The following FRMPD4 variants were observed in gnomAD, a reference collection of about 807,000 sequenced individuals.
FRMPD4 encodes the protein FERM and PDZ domain-containing protein 4.
FRMPD4 carries 22 observed loss-of-function variants against 94.1 expected under a neutral mutation model. The ratio of observed to expected loss-of-function variants is 0.23; its 90% CI spans 0.17 to 0.33. The LOEUF is 0.33. FRMPD4 is among the 10% of genes least tolerant of loss of function. The pLI is 1.00. For synonymous variants in FRMPD4, 631 were observed against 548.6 expected (o/e 1.15, Z -2.10); for missense variants, 1,111 against 1,339.9 (o/e 0.83, Z 2.67).
At chrX:11,974,587 G>A (rs1335174838) in intron 3 of FRMPD4, among the ~76,000 whole-genome samples, 4 of 112,373 alleles carry the variant, frequency 3.6e-5, no homozygotes, top group Non-Finnish European at 7.5e-5. Context: ...GAAACCAGAT[G>A]ATTCCCAGAA....
At chrX:11,901,415 G>A (rs1432590790) in intron 3 of FRMPD4, among the ~76,000 whole-genome samples, 1 of 112,282 alleles carries the variant, frequency 8.9e-6, no homozygotes, top group Non-Finnish European at 1.9e-5. Flanking sequence ...CCAAGTTGCT[G>A]CAAAAGACAT....
chrX:12,091,175 G>T (rs1483639413), intron 3 of FRMPD4, among the ~76,000 whole-genome samples: 1 of 111,580 alleles, frequency 9.0e-6, no homozygotes, highest in Non-Finnish European at 1.9e-5. Context: ...CAGCCTTACT[G>T]GCAGATCGAG....
At chrX:12,461,353 G>C (rs933435625) in intron 1 of FRMPD4, among the ~76,000 whole-genome samples, 1 of 112,085 alleles carries the variant, frequency 8.9e-6, no homozygotes, top group African/African-American at 3.2e-5. Flanking sequence ...AGAACTTTAG[G>C]ATTATTTGTT....
At chrX:12,508,283 T>C (rs2058006513) in intron 2 of FRMPD4, among the ~76,000 whole-genome samples, 1 of 110,736 alleles carries the variant, frequency 9.0e-6, no homozygotes, top group South Asian at 3.9e-4. Flanking sequence ...GTGGTTCTTT[T>C]TTTTTTTTAA....
At chrX:12,516,134 G>T in intron 2 of FRMPD4, among the ~76,000 whole-genome samples, 2 of 111,498 alleles carry the variant, frequency 1.8e-5, no homozygotes, top group Non-Finnish European at 3.8e-5. Context: ...CAAGCTGATG[G>T]GTCTTGACTC....
chrX:12,238,317 T>G (rs1252819849), intron 1 of FRMPD4, among the ~76,000 whole-genome samples: 1 of 110,058 alleles, frequency 9.1e-6, no homozygotes, highest in Non-Finnish European at 1.9e-5. Context: ...AGAGATGGGG[T>G]TTCTCCGTGT....
intron 4 of FRMPD4, among the ~76,000 whole-genome samples, chrX:12,673,909 G>A (rs140018833): frequency 0.01 from 1,171 of 112,115 alleles, 16 homozygotes; most frequent in African/African-American, 0.036. Flanking sequence ...TGCTAGAAGT[G>A]TGATTTGCAG....
chrX:12,619,716 G>A (rs965434921), intron 4 of FRMPD4, among the ~76,000 whole-genome samples: 1 of 112,179 alleles, frequency 8.9e-6, no homozygotes, highest in African/African-American at 3.2e-5. Flanking sequence ...GCTGACCTTG[G>A]CCCCAGTTGT....
At chrX:11,843,341 A>G (rs1287457590) in intron 1 of FRMPD4, among the ~76,000 whole-genome samples, 1 of 111,281 alleles carries the variant, frequency 9.0e-6, no homozygotes. Context: ...TCTTTAATGT[A>G]GAATTTTTGG....
intron 3 of FRMPD4, among the ~76,000 whole-genome samples, chrX:12,013,287 T>C (rs1318649551): frequency 8.9e-6 from 1 of 111,999 alleles, no homozygotes; most frequent in Non-Finnish European, 1.9e-5. Context: ...TCCCCAACTT[T>C]CCATTATGTT....
chrX:12,264,369 T>C (rs2054241840), intron 1 of FRMPD4, among the ~76,000 whole-genome samples: 1 of 111,436 alleles, frequency 9.0e-6, no homozygotes, highest in Non-Finnish European at 1.9e-5. Flanking sequence ...CCATAGGTAG[T>C]TGGATTTAGA....
intron 1 of FRMPD4, among the ~76,000 whole-genome samples, chrX:12,345,093 A>T (rs764306539): frequency 1.0e-5 from 1 of 100,111 alleles, no homozygotes; most frequent in Non-Finnish European, 2.0e-5. Context: ...TGAATGAATG[A>T]ATGGATGGAT....
chrX:12,306,073 T>A (rs1308698775), intron 1 of FRMPD4, among the ~76,000 whole-genome samples: 1 of 92,806 alleles, frequency 1.1e-5, no homozygotes, highest in Non-Finnish European at 2.1e-5. Context: ...AAACTTATGC[T>A]GTGCTTCAAA....
chrX:12,592,998 C>T (rs143936602), intron 2 of FRMPD4, among the ~76,000 whole-genome samples: 301 of 111,811 alleles, frequency 2.7e-3, no homozygotes, highest in African/African-American at 9.4e-3. Flanking sequence ...AATTCTTCCT[C>T]CCACTCTAAC....
intron 10 of FRMPD4, among the ~76,000 whole-genome samples, chrX:12,703,228 C>T (rs2041818816): frequency 8.9e-6 from 1 of 112,155 alleles, no homozygotes; most frequent in East Asian, 2.8e-4. Flanking sequence ...GTAGAAAATA[C>T]TAATATGTAT....
chrX:11,882,811 G>A (rs143750127), intron 3 of FRMPD4, among the ~76,000 whole-genome samples: 2,484 of 110,931 alleles, frequency 0.022, 64 homozygotes, highest in African/African-American at 0.078. Context: ...CATATTTAGG[G>A]GCTCCCAGGG....
rs146974854 is a variant in FRMPD4 at position 12,334,938 on chromosome X, A to G, written c.42-163742A>G. Among the ~76,000 whole-genome samples the G allele has an allele frequency of 4.0e-4, 44 of 110,854 alleles. No homozygotes were observed. The East Asian group carries it at 0.012, about 29-fold the overall frequency. Reference sequence around the variant, plus strand: ...TACGTTATCTCATTGCATCCTCTCAATAACACTATGCGGATTATTATCCTA... The same window carrying G: ...TACGTTATCTCATTGCATCCTCTCAGTAACACTATGCGGATTATTATCCTA... On this transcript the variant is annotated intron_variant, in intron 1 of 16. Transcript: ENST00000675598.
intron 1 of FRMPD4, among the ~76,000 whole-genome samples, chrX:12,193,682 G>GAAAAAGA (rs1023161668): frequency 1.0e-5 from 1 of 100,324 alleles, no homozygotes; most frequent in African/African-American, 3.6e-5. Context: ...AAGAGAAAGA[G>GAAAAAGA]AAAAAGAAAA....
At chrX:12,521,905 A>G (rs1428137036) in intron 2 of FRMPD4, among the ~76,000 whole-genome samples, 2 of 47,333 alleles carry the variant, frequency 4.2e-5, no homozygotes, top group African/African-American at 2.6e-4. Context: ...TTTCTGAAGA[A>G]AGATAAAAAA....
Sources: gnomAD v4.1 joint callset for allele counts (sites outside exome capture counted in the v4.1 genomes callset) on GRCh38, gnomAD v4.1.1 for gene constraint, MANE v1.5 for transcripts, NCBI Gene and HGNC (gene_info 2026-07-23, HGNC 2026-07-21) for gene names.